Variants in ROCK2 observed in about 807,000 individuals in gnomAD.
ROCK2 encodes Rho associated coiled-coil containing protein kinase 2, also known as rho-associated protein kinase 2.
A neutral mutation model predicts 195.1 loss-of-function variants in ROCK2; 61 were observed. The observed-to-expected ratio is 0.31, with a 90% CI of 0.25 to 0.39. The LOEUF (loss-of-function observed/expected upper bound fraction) is 0.39. ROCK2 is among the 10% of genes least tolerant of loss of function. The probability of loss-of-function intolerance (pLI) is 1.00; values close to 1 mark genes in which losing one functional copy is unlikely to be tolerated. For synonymous variants in ROCK2, 504 were observed against 545.5 expected, an observed-to-expected ratio of 0.92 and a Z score of 1.06; for missense variants, 1,109 against 1,637.4, an observed-to-expected ratio of 0.68 and a Z score of 5.57.
intron 3 of ROCK2, among the ~76,000 whole-genome samples, chr2:11,270,828 T>C (rs903436029): frequency 2.0e-5 from 3 of 152,190 alleles, no homozygotes; most frequent in South Asian, 4.1e-4. Flanking sequence ...GTTCCTACCA[T>C]GTTTGCTTCT....
intron 12 of ROCK2, among the ~76,000 whole-genome samples, 198 bp from the exon 13 acceptor site, chr2:11,216,404 C>CT (rs1188144090): frequency 6.6e-5 from 10 of 152,118 alleles, no homozygotes. Context: ...GTTCAAGCGA[C>CT]TGTCCTGCCT....
intron 13 of ROCK2, 107 bp downstream of exon 13, chr2:11,216,051 G>A (rs1382513087): frequency 6.0e-6 from 5 of 831,322 alleles, no homozygotes; most frequent in Non-Finnish European, 1.0e-5. Context: ...CTACAAGGTA[G>A]GTTTCAAGGC....
intron 3 of ROCK2, among the ~76,000 whole-genome samples, chr2:11,272,869 CA>C (rs34327134): frequency 0.068 from 6,761 of 99,168 alleles, 157 homozygotes; most frequent in Middle Eastern, 0.16. Flanking sequence ...GACTCTGTCT[CA>C]AAAAAAAAAA....
At chr2:11,257,670 G>A (rs1342326025) in intron 3 of ROCK2, among the ~76,000 whole-genome samples, 3 of 151,280 alleles carry the variant, frequency 2.0e-5, no homozygotes, top group Admixed American at 1.3e-4. Context: ...CTGGTGACTC[G>A]AATCATTAGA....
intron 3 of ROCK2, among the ~76,000 whole-genome samples, chr2:11,255,871 G>A (rs1298597523): frequency 3.0e-5 from 4 of 132,518 alleles, no homozygotes; most frequent in South Asian, 2.5e-4. Flanking sequence ...AGTGAGCCGA[G>A]ATGGTGCCAC....
At chr2:11,246,237 T>C (rs572932446) in intron 4 of ROCK2, among the ~76,000 whole-genome samples, 23 of 152,092 alleles carry the variant, frequency 1.5e-4, no homozygotes, top group Middle Eastern at 3.4e-3. Context: ...ACAACCAATT[T>C]ACAAAAATAC....
In ROCK2 at chr2:11,328,782, T is replaced by G. The variant is rs183846547; in HGVS notation, c.141+15214A>C. On this transcript the variant is annotated intron_variant, in intron 1 of 32. Coordinates refer to ENST00000315872, the MANE Select transcript of ROCK2 (RefSeq NM_004850.5). ...GTCCTTTGTACAGACATGGATGAAA[T>G]TGGAAATCATCATTCTCAGTAAACT... Among the ~76,000 whole-genome samples, 35 of 152,046 alleles carry G rather than the reference T, an allele frequency of 2.3e-4. 2 individuals carry two copies. The East Asian group carries it at 6.6e-3, about 29-fold the overall frequency.
intron 3 of ROCK2, among the ~76,000 whole-genome samples, chr2:11,262,626 T>C (rs1402103173): frequency 2.0e-5 from 3 of 152,194 alleles, no homozygotes; most frequent in Admixed American, 6.5e-5. Context: ...CTTTGCCTGC[T>C]GCCATCCATG....
chr2:11,193,012 A>G (rs1439551828), intron 30 of ROCK2, among the ~76,000 whole-genome samples: 1 of 152,210 alleles, frequency 6.6e-6, no homozygotes, highest in Non-Finnish European at 1.5e-5. Context: ...GGTCAGCAAA[A>G]GGTAACTTCA....
intron 3 of ROCK2, among the ~76,000 whole-genome samples, chr2:11,274,377 T>G (rs1055246052): frequency 2.0e-5 from 3 of 152,062 alleles, no homozygotes; most frequent in Admixed American, 1.3e-4. Flanking sequence ...CTAGATGGAC[T>G]AATTAAAAAA....
chr2:11,315,245 A>C (rs1368606015), intron 1 of ROCK2, among the ~76,000 whole-genome samples: 1 of 152,072 alleles, frequency 6.6e-6, no homozygotes, highest in African/African-American at 2.4e-5. Context: ...AAAGAGCACC[A>C]TTACACAGAA....
At chr2:11,278,299 G>A (rs1666893908) in intron 3 of ROCK2, among the ~76,000 whole-genome samples, 1 of 152,058 alleles carries the variant, frequency 6.6e-6, no homozygotes, top group Non-Finnish European at 1.5e-5. Flanking sequence ...CCACATATAA[G>A]TGATATCATG....
At chr2:11,205,536 A>G (rs970139419) in intron 20 of ROCK2, among the ~76,000 whole-genome samples, 1 of 150,582 alleles carries the variant, frequency 6.6e-6, no homozygotes, top group Non-Finnish European at 1.5e-5. Flanking sequence ...AGAGATATAC[A>G]TGTTGGCCAT....
At chr2:11,322,056 C>T (rs1019631210) in intron 1 of ROCK2, among the ~76,000 whole-genome samples, 1 of 152,020 alleles carries the variant, frequency 6.6e-6, no homozygotes, top group African/African-American at 2.4e-5. Flanking sequence ...GGAAAGGCCA[C>T]GTGAGGACAC....
chr2:11,209,862 AG>A (rs1664188204), intron 18 of ROCK2, among the ~76,000 whole-genome samples: 1 of 152,228 alleles, frequency 6.6e-6, no homozygotes, highest in Non-Finnish European at 1.5e-5. Flanking sequence ...TTCCCCATGT[AG>A]TACTAATAAT....
At position 11,317,604 on chromosome 2, in the gene ROCK2, A is replaced by ATTT. The variant is rs1455941424; in HGVS notation, c.141+26391_141+26392insAAA. On this transcript the variant is annotated intron_variant, in intron 1 of 32. Transcript: ENST00000315872. ...TATATATATATATATATATATATATATATATATATTTTTTTTTTTTTTTAA... is the reference window on the plus strand; with the variant it reads ...TATATATATATATATATATATATATATTTTATATATATTTTTTTTTTTTTTTAA... Among the ~76,000 whole-genome samples the ATTT allele has an allele frequency of 5.3e-3, 86 of 16,178 alleles. 1 individual carries two copies. Among genetic ancestry groups the ATTT allele is most frequent in the African/African-American group, 8.8e-3 (46 of 5,210 alleles). 10.6% of individuals were successfully genotyped at this position (16,178 alleles called of 152,430 possible).
chr2:11,276,820 A>G (rs1666843262), intron 3 of ROCK2, among the ~76,000 whole-genome samples: 1 of 152,196 alleles, frequency 6.6e-6, no homozygotes, highest in South Asian at 2.1e-4. Flanking sequence ...CACAAAATGA[A>G]TAACAGCAAT....
intron 1 of ROCK2, among the ~76,000 whole-genome samples, chr2:11,294,184 CAA>C (rs1158551105): frequency 6.6e-6 from 1 of 150,868 alleles, no homozygotes; most frequent in Non-Finnish European, 1.5e-5. Context: ...AAAAGTAAGA[CAA>C]AGAGAGAGAG....
chr2:11,271,605 G>T (rs1481424571), intron 3 of ROCK2, among the ~76,000 whole-genome samples: 1 of 152,180 alleles, frequency 6.6e-6, no homozygotes, highest in Admixed American at 6.5e-5. Flanking sequence ...GATGGATGGT[G>T]ATTTCCAAGC....
Sources: gnomAD v4.1 joint callset for allele counts (sites outside exome capture counted in the v4.1 genomes callset) on GRCh38, gnomAD v4.1.1 for gene constraint, MANE v1.5 for transcripts, NCBI Gene and HGNC (gene_info 2026-07-23, HGNC 2026-07-21) for gene names.